The following DLGAP4 variants were observed in gnomAD, a reference collection of about 807,000 sequenced individuals.
DLGAP4 encodes DLG associated protein 4, also known as disks large-associated protein 4.
Under a neutral mutation model 86.9 loss-of-function variants are expected in DLGAP4, and 18 were observed. That is an observed-to-expected ratio of 0.21 (90% confidence interval 0.14 to 0.31). DLGAP4 has a LOEUF of 0.31. DLGAP4 is among the 10% of genes least tolerant of loss of function. The pLI, the probability that DLGAP4 is intolerant of heterozygous loss-of-function variation, is 1.00. For missense variants in DLGAP4, 1,085 were observed against 1,362.6 expected, an observed-to-expected ratio of 0.80 and a Z score of 3.21; for synonymous variants, 548 against 574.3, an observed-to-expected ratio of 0.95 and a Z score of 0.65.
intron 2 of DLGAP4, among the ~76,000 whole-genome samples, chr20:36,422,693 G>A (rs1368765503): frequency 1.3e-5 from 2 of 152,190 alleles, no homozygotes; most frequent in African/African-American, 4.8e-5. Flanking sequence ...GATGAGATGA[G>A]GTAGGGCAGG....
At chr20:36,364,644 T>C (rs1455677877) in intron 1 of DLGAP4, among the ~76,000 whole-genome samples, 6 of 152,186 alleles carry the variant, frequency 3.9e-5, no homozygotes, top group Non-Finnish European at 5.9e-5. Flanking sequence ...GGATATTTCA[T>C]TGAAATGGAG....
At chr20:36,378,374 T>A (rs888969792) in intron 2 of DLGAP4, among the ~76,000 whole-genome samples, 1 of 152,230 alleles carries the variant, frequency 6.6e-6, no homozygotes, top group African/African-American at 2.4e-5. Flanking sequence ...ACTAGTATTA[T>A]CATCATCCTT....
At chr20:36,343,760 G>A (rs544993009) in intron 1 of DLGAP4, among the ~76,000 whole-genome samples, 1 of 152,210 alleles carries the variant, frequency 6.6e-6, no homozygotes, top group Non-Finnish European at 1.5e-5. Flanking sequence ...GGGAAACCAG[G>A]CCAGAGCTGG....
In DLGAP4 at chr20:36,527,118, T is replaced by C; in HGVS notation, c.*87T>C. ...GGAACAGAGTTTTCTCAACCTTTGC[T>C]ATGGTTATTCTGTCTAGAGACCCTG... On this transcript the variant is annotated 3_prime_UTR_variant, in exon 13 of 13. Coordinates refer to ENST00000339266, the MANE Select transcript of DLGAP4 (RefSeq NM_001365621.2). 7.3e-7 allele frequency: 1 copy of C among 1,366,880 alleles called. No individual in the cohort carries two copies. Among genetic ancestry groups the C allele is most frequent in the Non-Finnish European group, 9.8e-7 (1 of 1,015,358 alleles). 84.7% of individuals were successfully genotyped at this position (1,366,880 alleles called of 1,614,324 possible).
At position 36,505,882 on chromosome 20, in the gene DLGAP4, A is replaced by AGGAAGAGGAATGG. The variant is rs1229413602; in HGVS notation, c.2512+5281_2512+5293dup. 2.2e-4 allele frequency among the ~76,000 whole-genome samples: 34 copies of AGGAAGAGGAATGG among 152,156 alleles called. 2 individuals carry two copies. Among genetic ancestry groups the AGGAAGAGGAATGG allele is most frequent in the Non-Finnish European group, 1.5e-5 (1 of 68,028 alleles). ...CCTTGTCTCCACATTGAGTACACTG[A>AGGAAGAGGAATGG]GGAAGAGGAATGGGGAAGAGGAGGA... On this transcript the variant is annotated intron_variant, in intron 10 of 12. Transcript: ENST00000339266.
intron 3 of DLGAP4, among the ~76,000 whole-genome samples, chr20:36,433,694 C>T (rs1428822514): frequency 6.6e-6 from 1 of 151,892 alleles, no homozygotes; most frequent in Non-Finnish European, 1.5e-5. Flanking sequence ...TCTTGTTGCC[C>T]AGGCTGGAAT....
At chr20:36,489,951 C>T (rs956053587) in intron 7 of DLGAP4, among the ~76,000 whole-genome samples, 11 of 150,644 alleles carry the variant, frequency 7.3e-5, no homozygotes, top group South Asian at 2.1e-4. Context: ...CTTTGCCTCC[C>T]GGGTTCAAGC....
intron 1 of DLGAP4, among the ~76,000 whole-genome samples, chr20:36,329,517 G>A (rs1275122141): frequency 2.6e-5 from 4 of 152,212 alleles, no homozygotes; most frequent in African/African-American, 4.8e-5. Context: ...TCTTGATGAC[G>A]TGGATGGAAA....
intron 2 of DLGAP4, among the ~76,000 whole-genome samples, chr20:36,422,292 C>T (rs1417623701): frequency 6.6e-6 from 1 of 152,194 alleles, no homozygotes; most frequent in Non-Finnish European, 1.5e-5. Context: ...CATCATCTAA[C>T]TCAGCATTGA....
intron 1 of DLGAP4, among the ~76,000 whole-genome samples, chr20:36,340,054 G>A (rs573786408): frequency 2.6e-5 from 4 of 152,212 alleles, no homozygotes; most frequent in East Asian, 1.9e-4. Flanking sequence ...TGATCTTGCC[G>A]CCCACATGAA....
intron 2 of DLGAP4, among the ~76,000 whole-genome samples, chr20:36,412,062 A>C (rs1051151085): frequency 6.6e-6 from 1 of 152,136 alleles, no homozygotes; most frequent in Non-Finnish European, 1.5e-5. Flanking sequence ...GCCTCCCTCC[A>C]CTTGTCCACA....
chr20:36,438,379 A>AT (rs1555902600), intron 4 of DLGAP4, among the ~76,000 whole-genome samples: 20 of 86,866 alleles, frequency 2.3e-4, no homozygotes, highest in Non-Finnish European at 3.2e-4. Context: ...CTCAAAAAAA[A>AT]ATATATATAT....
At chr20:36,455,019 C>T (rs2147599110) in intron 7 of DLGAP4, among the ~76,000 whole-genome samples, 1 of 152,288 alleles carries the variant, frequency 6.6e-6, no homozygotes, top group East Asian at 1.9e-4. Flanking sequence ...GGATGCGTGC[C>T]CCTCCCCAGC....
chr20:36,428,823 G>A (rs559129148), intron 2 of DLGAP4, among the ~76,000 whole-genome samples: 33 of 152,348 alleles, frequency 2.2e-4, no homozygotes, highest in African/African-American at 7.5e-4. Context: ...AGGCTCTAGG[G>A]GAGAATTCAT....
rs191466658 is a variant in DLGAP4, at chr20:36,379,036, G to A, written c.-73+11761G>A. Among the ~76,000 whole-genome samples the A allele has an allele frequency of 2.2e-4, 34 of 152,264 alleles. No individual in the cohort carries two copies. In the East Asian group the frequency reaches 6.0e-3, roughly 27 times the overall value. The stretch of plus-strand genomic sequence containing the variant: ...GCAAACATGCTAGCAGTAAGCTAGC[G>A]ACACTCTGGGTGATGCTCAAATAGC... On this transcript the variant is annotated intron_variant, in intron 2 of 12. Transcript: ENST00000339266.
Position 36,526,229 on chromosome 20 carries a change from T to C in DLGAP4, c.2760+223T>C, listed in dbSNP as rs2037749650. On this transcript the variant is annotated intron_variant, in intron 12 of 12. Transcript: ENST00000339266. The stretch of plus-strand genomic sequence containing the variant: ...CCTGAAGCATGTGTCCTGCCCTGCA[T>C]GTCCAGAAAAGGGGATCCTGGGAGA... The C allele has an allele frequency of 2.0e-5, 13 of 650,972 alleles. 1 individual carries two copies. In the South Asian group the frequency reaches 2.3e-4, roughly 12 times the overall value. The allele number at this position is 650,972 out of a possible 1,614,324, so 40.3% of individuals were successfully genotyped here. A position where few individuals can be genotyped will look rare whatever the true frequency, so the allele number is the denominator to read the frequency against.
intron 7 of DLGAP4, 135 bp from the exon 8 acceptor site, chr20:36,496,570 A>T (rs754269819): frequency 1.5e-4 from 216 of 1,395,130 alleles, no homozygotes; most frequent in Non-Finnish European, 1.8e-4. Flanking sequence ...CCTGCTCCAG[A>T]AATCCTTGCG....
chr20:36,517,304 G>T (rs1205520717), intron 10 of DLGAP4, among the ~76,000 whole-genome samples: 2 of 152,104 alleles, frequency 1.3e-5, no homozygotes, highest in African/African-American at 4.8e-5. Context: ...CATGAACCTG[G>T]GAGGTGGAGG....
At chr20:36,467,016 T>TCTC (rs2034410990) in intron 7 of DLGAP4, among the ~76,000 whole-genome samples, 15 of 39,670 alleles carry the variant, frequency 3.8e-4, no homozygotes, top group African/African-American at 2.1e-3. Context: ...TCTCTCTCTC[T>TCTC]CCTCTCTCTC....
Sources: allele counts gnomAD v4.1 joint callset (sites outside exome capture counted in the v4.1 genomes callset), GRCh38; gene constraint gnomAD v4.1.1; transcripts MANE v1.5; gene names NCBI Gene and HGNC (gene_info 2026-07-23, HGNC 2026-07-21).